MEI1: variants seen among roughly 807,000 people sequenced by gnomAD.
The protein encoded by MEI1 is meiotic double-stranded break formation protein 1, also known as meiosis inhibitor protein 1.
Under a neutral mutation model 146.2 loss-of-function variants are expected in MEI1, and 103 were observed. That is an observed-to-expected ratio of 0.70 (90% CI 0.60 to 0.83). The LOEUF is 0.83. Among genes scored for constraint, MEI1 ranks in the 40% least tolerant of loss-of-function variants. The pLI is 0.00. For missense variants in MEI1, 1,529 were observed against 1,533.0 expected (o/e 1.00, Z 0.04); for synonymous variants, 652 against 628.2 (o/e 1.04, Z -0.57).
chr22:41,727,733 A>G (rs2092274), intron 7 of MEI1, among the ~76,000 whole-genome samples: 124,347 of 152,114 alleles, frequency 0.82, 51,989 homozygotes, highest in African/African-American at 0.95. Context: ...GGAAAGGTGC[A>G]TGGGGCGAAG....
At chr22:41,746,342 A>G (rs2073287867) in intron 14 of MEI1, among the ~76,000 whole-genome samples, 1 of 152,300 alleles carries the variant, frequency 6.6e-6, no homozygotes, top group South Asian at 2.1e-4. Flanking sequence ...GATGGATGCT[A>G]TAATTTGCCC....
At chr22:41,782,261 TG>T (rs1261165317) in intron 24 of MEI1, among the ~76,000 whole-genome samples, 1 of 152,126 alleles carries the variant, frequency 6.6e-6, no homozygotes, top group Non-Finnish European at 1.5e-5. Flanking sequence ...TCTGTATATT[TG>T]GGGAGTGGTG....
chr22:41,798,573 G>A (rs986453724), intron 30 of MEI1, among the ~76,000 whole-genome samples: 22 of 146,240 alleles, frequency 1.5e-4, no homozygotes, highest in African/African-American at 3.3e-4. Context: ...CCAAGACTCC[G>A]TCTCAAAAAA....
chr22:41,789,384 G>A (rs1368951590), intron 26 of MEI1, among the ~76,000 whole-genome samples: 1 of 152,060 alleles, frequency 6.6e-6, no homozygotes, highest in Non-Finnish European at 1.5e-5. Context: ...GGCTGGTCTT[G>A]ACCTCCTGGG....
At chr22:41,773,406 C>T (rs950872130) in intron 20 of MEI1, among the ~76,000 whole-genome samples, 1 of 152,062 alleles carries the variant, frequency 6.6e-6, no homozygotes, top group Non-Finnish European at 1.5e-5. Context: ...GGCTGTCATT[C>T]ACTAATCATT....
chr22:41,725,433 TC>T (rs1001374994), intron 7 of MEI1, among the ~76,000 whole-genome samples: 1 of 152,078 alleles, frequency 6.6e-6, no homozygotes, highest in Non-Finnish European at 1.5e-5. Context: ...CCTCTGCACT[TC>T]CCCTTCACAT....
chr22:41,699,745 G>A, intron 1 of MEI1, 33 bp downstream of exon 1: 5 of 1,526,206 alleles, frequency 3.3e-6, no homozygotes, highest in African/African-American at 1.4e-5. Context: ...AGAAGACCTG[G>A]GTTTGGCCAT....
intron 15 of MEI1, among the ~76,000 whole-genome samples, chr22:41,749,249 G>T (rs563383283): frequency 1.1e-3 from 160 of 151,334 alleles, no homozygotes; most frequent in African/African-American, 3.6e-3. Flanking sequence ...GTAGGCCCTT[G>T]TTGGCCATGT....
At chr22:41,712,718 A>G (rs569815574) in intron 3 of MEI1, among the ~76,000 whole-genome samples, 30 of 149,134 alleles carry the variant, frequency 2.0e-4, no homozygotes, top group South Asian at 4.2e-4. Context: ...ATATATATAT[A>G]TATTCACATT....
At chr22:41,717,949 AT>A in intron 5 of MEI1, 121 bp from the exon 6 acceptor site, 1 of 832,310 alleles carries the variant, frequency 1.2e-6, no homozygotes, top group Non-Finnish European at 1.8e-6. Context: ...TGCAGAAAGC[AT>A]TTTTTGTGGG....
chr22:41,713,060 C>T (rs965744668), intron 3 of MEI1, among the ~76,000 whole-genome samples: 6 of 151,790 alleles, frequency 4.0e-5, no homozygotes, highest in African/African-American at 7.3e-5. Flanking sequence ...CCGCCCATCT[C>T]GGCCTCCCAA....
At chr22:41,783,500 C>T (rs1163886483) in intron 24 of MEI1, among the ~76,000 whole-genome samples, 1 of 152,148 alleles carries the variant, frequency 6.6e-6, no homozygotes, top group African/African-American at 2.4e-5. Context: ...CCAAGTTGGT[C>T]AGGCTGGTCT....
intron 30 of MEI1, among the ~76,000 whole-genome samples, chr22:41,798,895 C>G (rs1220495574): frequency 1.4e-5 from 2 of 140,492 alleles, no homozygotes; most frequent in African/African-American, 2.5e-5. Flanking sequence ...AAAAAAAAAG[C>G]AAGCTTGGGG....
chr22:41,741,021 C>A (rs2072815358), intron 11 of MEI1, among the ~76,000 whole-genome samples: 1 of 152,302 alleles, frequency 6.6e-6, no homozygotes, highest in East Asian at 1.9e-4. Flanking sequence ...AGCGATTCTC[C>A]TGCCTCAGCC....
At chr22:41,753,242 T>A (rs1285289599) in intron 16 of MEI1, among the ~76,000 whole-genome samples, 2 of 152,080 alleles carry the variant, frequency 1.3e-5, no homozygotes, top group Non-Finnish European at 1.5e-5. Flanking sequence ...CTTGAGGTGA[T>A]CCGCCCGCCT....
intron 15 of MEI1, among the ~76,000 whole-genome samples, chr22:41,750,436 T>G (rs2073671530): frequency 6.6e-6 from 1 of 152,230 alleles, no homozygotes. Flanking sequence ...TTGGCCACAT[T>G]GGCCGGAGCA....
chr22:41,778,425 A>G (rs1243973474), intron 21 of MEI1, among the ~76,000 whole-genome samples: 3 of 152,234 alleles, frequency 2.0e-5, no homozygotes, highest in Non-Finnish European at 4.4e-5. Context: ...TCAATTTTGT[A>G]AGTGCAAAAT....
rs2075826743 is a variant in MEI1 at position 41,783,192 on chromosome 22, T to C, written c.3088-1147T>C. On this transcript the variant is annotated intron_variant, in intron 24 of 30. Coordinates refer to ENST00000401548, the MANE Select transcript of MEI1 (RefSeq NM_152513.4). ...TTTTGTTTATTATTAATAGACTTCA[T>C]TTTTAGGACAGTTTTAGATTTATAG... is the stretch of plus-strand genomic sequence containing the variant. Among the ~76,000 whole-genome samples, 3 of 152,200 alleles carry C rather than the reference T, an allele frequency of 2.0e-5. No individual in the cohort carries two copies. The South Asian group carries it at 6.2e-4, about 31-fold the overall frequency.
chr22:41,709,815 A>T (rs551701557), intron 3 of MEI1, among the ~76,000 whole-genome samples: 1 of 152,146 alleles, frequency 6.6e-6, no homozygotes, highest in Non-Finnish European at 1.5e-5. Flanking sequence ...GTTGAATGAC[A>T]TGAGGCCTCA....
Sources: allele counts gnomAD v4.1 joint callset (sites outside exome capture counted in the v4.1 genomes callset), GRCh38; gene constraint gnomAD v4.1.1; transcripts MANE v1.5; gene names NCBI Gene and HGNC (gene_info 2026-07-23, HGNC 2026-07-21).